PRKAR2B: variants seen among roughly 807,000 people sequenced by gnomAD.
PRKAR2B encodes the protein cAMP-dependent protein kinase type II-beta regulatory subunit.
In PRKAR2B, 14 loss-of-function variants were observed where a neutral mutation model predicts 49.9. The ratio of observed to expected loss-of-function variants is 0.28; its 90% CI spans 0.19 to 0.44. The LOEUF (loss-of-function observed/expected upper bound fraction) is 0.44. Ranked by LOEUF, PRKAR2B falls within the 20% of genes least tolerant of loss-of-function variation. The pLI, the probability that PRKAR2B is intolerant of heterozygous loss-of-function variation, is 1.00. For missense variants in PRKAR2B, 393 were observed against 537.9 expected (o/e 0.73, Z 2.67); for synonymous variants, 196 against 197.7 (o/e 0.99, Z 0.07).
chr7:107,084,367 AATGTT>A (rs3839823), intron 2 of PRKAR2B, among the ~76,000 whole-genome samples: 12,935 of 152,066 alleles, frequency 0.085, 606 homozygotes, highest in Middle Eastern at 0.16. Flanking sequence ...TCTAAATTTA[AATGTT>A]ATGTTATTAT....
In PRKAR2B at chr7:107,044,833, G is replaced by T; in HGVS notation, c.-75G>T. 8.2e-7 allele frequency: 1 copy of T among 1,218,550 alleles called. No individual in the cohort carries two copies. Among genetic ancestry groups the T allele is most frequent in the Non-Finnish European group, 1.0e-6 (1 of 957,268 alleles). 75.5% of individuals were successfully genotyped at this position (1,218,550 alleles called of 1,614,324 possible). On this transcript the variant is annotated 5_prime_UTR_variant, in exon 1 of 11. Transcript: ENST00000265717. ...CGCCAGCGCCGTAGGCGCTCGCTCG[G>T]CAGCCGCGGGGCCCTAGGCCGTGCC... is the stretch of plus-strand genomic sequence containing the variant.
chr7:107,070,217 CTT>C, intron 1 of PRKAR2B, 62 bp from the exon 2 acceptor site: 1 of 1,294,780 alleles, frequency 7.7e-7, no homozygotes, highest in Non-Finnish European at 1.1e-6. Context: ...CAATTTGAGC[CTT>C]TTCAGGGTTT....
intron 1 of PRKAR2B, among the ~76,000 whole-genome samples, chr7:107,055,336 G>C (rs1387585832): frequency 2.6e-5 from 4 of 152,164 alleles, no homozygotes; most frequent in Non-Finnish European, 5.9e-5. Context: ...CCAGTAATGG[G>C]ATGGCTGGGT....
intron 2 of PRKAR2B, among the ~76,000 whole-genome samples, chr7:107,111,061 C>T (rs968905420): frequency 6.6e-6 from 1 of 152,180 alleles, no homozygotes; most frequent in Non-Finnish European, 1.5e-5. Flanking sequence ...GAGCATCCCA[C>T]GCTAGGCACC....
At chr7:107,069,616 C>G (rs559269289) in intron 1 of PRKAR2B, 1 of 152,080 alleles carries the variant, frequency 6.6e-6, no homozygotes, top group Non-Finnish European at 1.5e-5. Context: ...TGAGTTGAGT[C>G]GGAGGAGTGG....
At chr7:107,146,922 C>T (rs771249743) in intron 6 of PRKAR2B, among the ~76,000 whole-genome samples, 5 of 152,196 alleles carry the variant, frequency 3.3e-5, no homozygotes, top group South Asian at 2.1e-4. Flanking sequence ...TTCTGACCTA[C>T]TGCATCAGAA....
At position 107,119,736 on chromosome 7, in the gene PRKAR2B, C is replaced by T. The variant is rs146925523; in HGVS notation, c.344-2216C>T. 1.9e-3 allele frequency among the ~76,000 whole-genome samples: 286 copies of T among 152,286 alleles called. 1 individual carries two copies. The highest frequency in any genetic ancestry group is 6.6e-3 in the African/African-American group (274 of 41,558). ...CAATCTTTCAATAGTGACTTGGCTG[C>T]TTCTTTGGTTTTCCAGCAGGGAGAG... On this transcript the variant is annotated intron_variant, in intron 2 of 10. Coordinates refer to ENST00000265717, the MANE Select transcript of PRKAR2B (RefSeq NM_002736.3).
chr7:107,099,329 T>G (rs1794910492), intron 2 of PRKAR2B, among the ~76,000 whole-genome samples: 1 of 152,214 alleles, frequency 6.6e-6, no homozygotes, highest in Admixed American at 6.5e-5. Context: ...GCGCGGGATA[T>G]AATCTCCTGG....
At chr7:107,097,352 A>C (rs1354824979) in intron 2 of PRKAR2B, among the ~76,000 whole-genome samples, 1 of 150,624 alleles carries the variant, frequency 6.6e-6, no homozygotes, top group Non-Finnish European at 1.5e-5. Flanking sequence ...TTTGTTTTCC[A>C]TTTGCTTGGT....
intron 4 of PRKAR2B, among the ~76,000 whole-genome samples, chr7:107,129,884 C>T (rs1284787532): frequency 3.3e-5 from 5 of 152,148 alleles, no homozygotes; most frequent in East Asian, 1.9e-4. Context: ...AGGTCACTCT[C>T]GTCACCATCT....
At chr7:107,107,750 T>A (rs1375389972) in intron 2 of PRKAR2B, among the ~76,000 whole-genome samples, 1 of 151,998 alleles carries the variant, frequency 6.6e-6, no homozygotes, top group Non-Finnish European at 1.5e-5. Flanking sequence ...CTCTGCCTCC[T>A]GGGTTCAAGC....
chr7:107,051,995 C>T (rs1052857146), intron 1 of PRKAR2B, among the ~76,000 whole-genome samples: 8 of 152,094 alleles, frequency 5.3e-5, no homozygotes, highest in African/African-American at 4.8e-5. Flanking sequence ...GGAAAAAAGC[C>T]GTTTGTTCCA....
rs147384063 is a variant in PRKAR2B, at chr7:107,071,805, C to T, written c.343+1489C>T. Among the ~76,000 whole-genome samples, 372 of 152,318 alleles carry T rather than the reference C, an allele frequency of 2.4e-3. 3 individuals are homozygous for T. The highest frequency in any genetic ancestry group is 8.4e-3 in the African/African-American group (350 of 41,564). On this transcript the variant is annotated intron_variant, in intron 2 of 10. Coordinates refer to ENST00000265717, the MANE Select transcript of PRKAR2B (RefSeq NM_002736.3). ...CATTGGCTGGGCGAGGTGGCTCACG[C>T]CTGTAATCCCAACACTTTGGGAGGC...
At chr7:107,102,276 A>C (rs1323991374) in intron 2 of PRKAR2B, among the ~76,000 whole-genome samples, 1 of 152,238 alleles carries the variant, frequency 6.6e-6, no homozygotes, top group Non-Finnish European at 1.5e-5. Flanking sequence ...AACCAGCACC[A>C]AGACAGTTTA....
chr7:107,070,193 A>T (rs1414737095), intron 1 of PRKAR2B, 88 bp from the exon 2 acceptor site: 9 of 909,866 alleles, frequency 9.9e-6, no homozygotes, highest in African/African-American at 3.4e-5. Flanking sequence ...TAGTTAAATT[A>T]TAAGATGGTT....
intron 2 of PRKAR2B, among the ~76,000 whole-genome samples, chr7:107,118,631 G>A (rs1199670087): frequency 1.3e-5 from 2 of 152,144 alleles, no homozygotes; most frequent in South Asian, 2.1e-4. Flanking sequence ...TAATGAGCTC[G>A]TCCCACTGTA....
At chr7:107,093,242 T>A (rs1162525903) in intron 2 of PRKAR2B, among the ~76,000 whole-genome samples, 1 of 152,186 alleles carries the variant, frequency 6.6e-6, no homozygotes, top group East Asian at 1.9e-4. Flanking sequence ...TACCCAGAAG[T>A]GGACTTGTTG....
At chr7:107,085,734 C>T (rs1372074848) in intron 2 of PRKAR2B, among the ~76,000 whole-genome samples, 2 of 152,084 alleles carry the variant, frequency 1.3e-5, no homozygotes, top group Admixed American at 6.6e-5. Flanking sequence ...ATGACCTTAC[C>T]TCTAAAGCTA....
intron 4 of PRKAR2B, among the ~76,000 whole-genome samples, chr7:107,129,293 T>C (rs929806572): frequency 6.6e-6 from 1 of 152,212 alleles, no homozygotes; most frequent in African/African-American, 2.4e-5. Flanking sequence ...TGTGTGACTT[T>C]GGAGATTTAT....
Sources: gnomAD v4.1 joint callset for allele counts (sites outside exome capture counted in the v4.1 genomes callset) on GRCh38, gnomAD v4.1.1 for gene constraint, MANE v1.5 for transcripts, NCBI Gene and HGNC (gene_info 2026-07-23, HGNC 2026-07-21) for gene names.